The following MAP2K1 variants were observed in gnomAD, a reference collection of about 807,000 sequenced individuals.
MAP2K1 encodes the protein dual specificity mitogen-activated protein kinase kinase 1.
MAP2K1 carries 16 observed loss-of-function variants against 46.3 expected under a neutral mutation model. The observed-to-expected ratio is 0.35, with a 90% confidence interval of 0.23 to 0.52. The LOEUF (loss-of-function observed/expected upper bound fraction) is 0.52. Among genes scored for constraint, MAP2K1 ranks in the 20% least tolerant of loss-of-function variants. The probability of loss-of-function intolerance (pLI) is 0.94; values close to 1 mark genes in which losing one functional copy is unlikely to be tolerated. For synonymous variants in MAP2K1, 183 were observed against 185.6 expected (o/e 0.99, Z 0.11); for missense variants, 263 against 497.1 (o/e 0.53, Z 4.48).
At chr15:66,420,729 G>T in intron 1 of MAP2K1, among the ~76,000 whole-genome samples, 2 of 30,532 alleles carry the variant, frequency 6.6e-5, no homozygotes, top group East Asian at 7.3e-4. Context: ...ATATGTGTGT[G>T]TGTGTGTGTG....
chr15:66,447,559 C>T (rs1290089582), intron 5 of MAP2K1, among the ~76,000 whole-genome samples: 3 of 151,052 alleles, frequency 2.0e-5, no homozygotes, highest in Non-Finnish European at 3.0e-5. Context: ...CGTGTGGTGG[C>T]GTGTGCCTGT....
intron 1 of MAP2K1, among the ~76,000 whole-genome samples, chr15:66,402,821 C>CT: frequency 6.6e-6 from 1 of 152,202 alleles, no homozygotes; most frequent in South Asian, 2.1e-4. Context: ...TGCAAAACAA[C>CT]TTTTTCTTTT....
intron 5 of MAP2K1, among the ~76,000 whole-genome samples, chr15:66,479,373 C>T (rs774086113): frequency 2.7e-4 from 41 of 152,330 alleles, no homozygotes; most frequent in Admixed American, 7.8e-4. Context: ...GCTGGGATTA[C>T]AGGCGTGAGC....
intron 5 of MAP2K1, among the ~76,000 whole-genome samples, chr15:66,456,283 A>AT (rs1201563720): frequency 3.3e-5 from 5 of 152,116 alleles, no homozygotes; most frequent in South Asian, 4.1e-4. Context: ...AGCCAATATC[A>AT]TTTTTTTGTG....
At chr15:66,487,380 T>A in intron 8 of MAP2K1, 88 bp downstream of exon 8, 1 of 1,249,386 alleles carries the variant, frequency 8.0e-7, no homozygotes, top group Non-Finnish European at 1.2e-6. Flanking sequence ...GGTTCACGCC[T>A]GTAATCCCAG....
chr15:66,425,352 G>T (rs2093455250), intron 1 of MAP2K1, among the ~76,000 whole-genome samples: 1 of 152,138 alleles, frequency 6.6e-6, no homozygotes, highest in African/African-American at 2.4e-5. Flanking sequence ...CGTTTGCATG[G>T]TTCCTAATGT....
chr15:66,394,862 C>T (rs1324916009), intron 1 of MAP2K1, among the ~76,000 whole-genome samples: 1 of 152,196 alleles, frequency 6.6e-6, no homozygotes. Context: ...TCTTTCAGAA[C>T]AGCTTCATGT....
chr15:66,449,600 G>T (rs1171728956), intron 5 of MAP2K1, among the ~76,000 whole-genome samples: 1 of 152,224 alleles, frequency 6.6e-6, no homozygotes, highest in African/African-American at 2.4e-5. Flanking sequence ...GTAACTGTAG[G>T]CTGGGTGCGG....
intron 5 of MAP2K1, among the ~76,000 whole-genome samples, chr15:66,468,680 C>T (rs906168698): frequency 6.6e-6 from 1 of 152,094 alleles, no homozygotes; most frequent in Non-Finnish European, 1.5e-5. Flanking sequence ...CACCTGTAAT[C>T]CCAACACTTT....
At chr15:66,433,001 T>TG (rs56089688) in intron 1 of MAP2K1, among the ~76,000 whole-genome samples, 11 of 151,228 alleles carry the variant, frequency 7.3e-5, no homozygotes, top group East Asian at 5.8e-4. Context: ...TGTGTGTGTG[T>TG]TGACAGCTTT....
intron 2 of MAP2K1, 129 bp downstream of exon 2, chr15:66,435,366 T>TTTTA (rs398027712): frequency 1.3e-6 from 1 of 779,222 alleles, no homozygotes; most frequent in Non-Finnish European, 2.1e-6. Flanking sequence ...TTTTTTTTTT[T>TTTTA]AAGACGGAGT....
In MAP2K1 at chr15:66,487,425, G is replaced by A. The variant is rs1048336881; in HGVS notation, c.960+133G>A. 40 of 839,732 alleles carry A rather than the reference G, an allele frequency of 4.8e-5. No homozygotes were observed. The African/African-American group carries it at 6.7e-4, about 14-fold the overall frequency. 52.0% of individuals were successfully genotyped at this position (839,732 alleles called of 1,614,324 possible). On this transcript the variant is annotated intron_variant, in intron 8 of 10. Coordinates refer to ENST00000307102, the MANE Select transcript of MAP2K1 (RefSeq NM_002755.4). Reference sequence around the variant, plus strand: ...AGGCTGAGGCGGGTGGATCACACGAGGTGAGGAGTTCGAGACCAGCCTGGC... The same window carrying A: ...AGGCTGAGGCGGGTGGATCACACGAAGTGAGGAGTTCGAGACCAGCCTGGC...
intron 1 of MAP2K1, among the ~76,000 whole-genome samples, chr15:66,426,470 C>A (rs530319820): frequency 9.2e-5 from 14 of 151,984 alleles, no homozygotes; most frequent in Non-Finnish European, 2.1e-4. Context: ...CCATGAGTTT[C>A]TTCTCAAGAA....
intron 5 of MAP2K1, among the ~76,000 whole-genome samples, chr15:66,448,267 A>G (rs770010002): frequency 3.9e-5 from 6 of 152,102 alleles, no homozygotes; most frequent in African/African-American, 7.2e-5. Flanking sequence ...ATATGAGTGG[A>G]ATTACACAGT....
intron 1 of MAP2K1, among the ~76,000 whole-genome samples, chr15:66,413,570 C>T (rs2093416630): frequency 1.3e-5 from 2 of 152,262 alleles, no homozygotes; most frequent in Middle Eastern, 3.4e-3. Flanking sequence ...AAGAATTCAG[C>T]AACCACAAAA....
chr15:66,389,936 C>T (rs1186556382), intron 1 of MAP2K1, among the ~76,000 whole-genome samples: 1 of 152,024 alleles, frequency 6.6e-6, no homozygotes, highest in Non-Finnish European at 1.5e-5. Flanking sequence ...AAAAATGGGG[C>T]TAATGATAGA....
intron 5 of MAP2K1, among the ~76,000 whole-genome samples, chr15:66,449,398 T>A (rs79264026): frequency 1.3e-5 from 2 of 152,012 alleles, no homozygotes; most frequent in African/African-American, 4.8e-5. Context: ...AATACGAAAT[T>A]TTAGAACAGA....
At chr15:66,409,106 T>C (rs919880720) in intron 1 of MAP2K1, among the ~76,000 whole-genome samples, 3 of 152,184 alleles carry the variant, frequency 2.0e-5, no homozygotes, top group African/African-American at 7.2e-5. Context: ...CTGTATGCTC[T>C]TCATTGTTCA....
At chr15:66,429,365 A>G (rs2093468435) in intron 1 of MAP2K1, among the ~76,000 whole-genome samples, 1 of 152,152 alleles carries the variant, frequency 6.6e-6, no homozygotes, top group African/African-American at 2.4e-5. Flanking sequence ...CACAGGAACA[A>G]TGTGGGGAAA....
Sources: allele counts gnomAD v4.1 joint callset (sites outside exome capture counted in the v4.1 genomes callset), GRCh38; gene constraint gnomAD v4.1.1; transcripts MANE v1.5; gene names NCBI Gene and HGNC (gene_info 2026-07-23, HGNC 2026-07-21).